EXOC6: variants seen among roughly 807,000 people sequenced by gnomAD.
EXOC6 encodes SEC15-like 1.
In EXOC6, 60 loss-of-function variants were observed where a neutral mutation model predicts 112.5. The ratio of observed to expected loss-of-function variants is 0.53; its 90% confidence interval spans 0.43 to 0.66. EXOC6 has a LOEUF of 0.66. Ranked by LOEUF, EXOC6 falls within the 30% of genes least tolerant of loss-of-function variation. The pLI, the probability that EXOC6 is intolerant of heterozygous loss-of-function variation, is 0.00. For synonymous variants in EXOC6, 295 were observed against 308.0 expected, an observed-to-expected ratio of 0.96 and a Z score of 0.44; for missense variants, 855 against 957.1, an observed-to-expected ratio of 0.89 and a Z score of 1.41.
At chr10:93,053,190 C>CT (rs1243569592) in intron 20 of EXOC6, among the ~76,000 whole-genome samples, 1 of 152,162 alleles carries the variant, frequency 6.6e-6, no homozygotes, top group African/African-American at 2.4e-5. Flanking sequence ...CCATCACACT[C>CT]TGACTCCAAA....
intron 18 of EXOC6, among the ~76,000 whole-genome samples, chr10:92,977,515 A>G (rs61862338): frequency 1.3e-5 from 2 of 152,132 alleles, no homozygotes; most frequent in Admixed American, 6.5e-5. Flanking sequence ...AAGGAAATCT[A>G]TAAATATATT....
chr10:92,999,527 A>G lies in EXOC6; in HGVS notation c.2095+1912A>G, dbSNP rs183262925. On this transcript the variant is annotated intron_variant, in intron 19 of 21. Transcript: ENST00000260762. Reference sequence around the variant, plus strand: ...GCATTGCTCAAGACATTTTCGTGTTACAGTAGTCCCTCTTATCCACAGTTT... The same window carrying G: ...GCATTGCTCAAGACATTTTCGTGTTGCAGTAGTCCCTCTTATCCACAGTTT... 182 of 227,026 alleles carry G rather than the reference A, an allele frequency of 8.0e-4. 1 individual carries two copies. Among genetic ancestry groups the G allele is most frequent in the Middle Eastern group, 1.2e-3 (1 of 810 alleles). The allele number at this position is 227,026 out of a possible 1,614,324, so 14.1% of individuals were successfully genotyped here. A position where few individuals can be genotyped will look rare whatever the true frequency, so the allele number is the denominator to read the frequency against.
At chr10:92,836,761 T>C (rs946856676) in intron 1 of EXOC6, among the ~76,000 whole-genome samples, 2 of 152,170 alleles carry the variant, frequency 1.3e-5, no homozygotes, top group African/African-American at 4.8e-5. Context: ...TGTCGCTGAT[T>C]TTCTACTGTA....
intron 1 of EXOC6, among the ~76,000 whole-genome samples, chr10:92,876,842 T>C (rs1032458184): frequency 1.3e-5 from 2 of 152,194 alleles, no homozygotes; most frequent in South Asian, 2.1e-4. Flanking sequence ...CCCCTTTTCA[T>C]TTCTCAACGA....
At chr10:92,867,400 G>A (rs1848226834) in intron 1 of EXOC6, among the ~76,000 whole-genome samples, 1 of 152,116 alleles carries the variant, frequency 6.6e-6, no homozygotes, top group South Asian at 2.1e-4. Context: ...AATTTGTAGA[G>A]AGGATGGGGG....
At chr10:92,958,894 G>A (rs1853834253) in intron 17 of EXOC6, among the ~76,000 whole-genome samples, 2 of 152,110 alleles carry the variant, frequency 1.3e-5, no homozygotes, top group South Asian at 4.2e-4. Context: ...AGGAGATCAA[G>A]ACCATCCTGG....
At chr10:92,871,623 G>A (rs955388654) in intron 1 of EXOC6, among the ~76,000 whole-genome samples, 11 of 151,516 alleles carry the variant, frequency 7.3e-5, no homozygotes, top group African/African-American at 2.7e-4. Flanking sequence ...CCTGGCCAAC[G>A]TGATGAAACC....
chr10:92,876,855 G>GA (rs1317388628), intron 1 of EXOC6, among the ~76,000 whole-genome samples: 1 of 151,948 alleles, frequency 6.6e-6, no homozygotes, highest in African/African-American at 2.4e-5. Flanking sequence ...CTCAACGATG[G>GA]AAAAAAACAA....
chr10:92,895,627 A>G (rs979935716), intron 4 of EXOC6, among the ~76,000 whole-genome samples: 1 of 152,114 alleles, frequency 6.6e-6, no homozygotes, highest in East Asian at 1.9e-4. Context: ...TGGATTTAAT[A>G]TACTTTAAGT....
At chr10:92,922,548 A>T (rs1309502923) in intron 8 of EXOC6, among the ~76,000 whole-genome samples, 1 of 152,186 alleles carries the variant, frequency 6.6e-6, no homozygotes, top group Non-Finnish European at 1.5e-5. Context: ...TAGCCAAAAA[A>T]GCTCTTTGTC....
chr10:92,874,221 GT>G (rs1564791656), intron 1 of EXOC6, among the ~76,000 whole-genome samples: 2 of 152,156 alleles, frequency 1.3e-5, no homozygotes, highest in Middle Eastern at 3.4e-3. Context: ...CTTAACTTCA[GT>G]TTTTTACTTA....
intron 20 of EXOC6, among the ~76,000 whole-genome samples, chr10:93,026,675 T>G (rs899514028): frequency 2.6e-5 from 4 of 152,218 alleles, no homozygotes; most frequent in African/African-American, 4.8e-5. Context: ...GTTTTTGATC[T>G]GTGATCAGTG....
intron 1 of EXOC6, among the ~76,000 whole-genome samples, chr10:92,868,767 T>C: frequency 6.6e-6 from 1 of 151,782 alleles, no homozygotes; most frequent in Non-Finnish European, 1.5e-5. Context: ...CTATTTTAAT[T>C]GGGCCCTCCC....
intron 17 of EXOC6, among the ~76,000 whole-genome samples, chr10:92,966,924 G>A (rs4431935): frequency 0.71 from 71,187 of 99,796 alleles, 26,686 homozygotes; most frequent in East Asian, 0.98. Context: ...AAGTGTTCCT[G>A]TTTCTCCACA....
At chr10:92,861,535 T>A (rs10882120) in intron 1 of EXOC6, among the ~76,000 whole-genome samples, 46,102 of 147,264 alleles carry the variant, frequency 0.31, 7,732 homozygotes, top group East Asian at 0.74. Flanking sequence ...CATACTCACC[T>A]TTTTTTTTTA....
chr10:93,014,839 A>G (rs1305375509), intron 20 of EXOC6, among the ~76,000 whole-genome samples: 2 of 152,026 alleles, frequency 1.3e-5, no homozygotes, highest in African/African-American at 2.4e-5. Context: ...TAAAAACTCT[A>G]TTCATTTTGC....
chr10:92,834,660 T>A, upstream of EXOC6: 1 of 713,526 alleles, frequency 1.4e-6, no homozygotes, highest in Non-Finnish European at 1.9e-6. Context: ...GAAAACGGTA[T>A]TTTTTTTTTT....
chr10:92,926,350 T>C (rs1176889538), intron 8 of EXOC6, among the ~76,000 whole-genome samples: 1 of 151,800 alleles, frequency 6.6e-6, no homozygotes, highest in African/African-American at 2.4e-5. Context: ...TTTTTTAAAA[T>C]TAAGTTAGAA....
At chr10:92,910,478 AAAGGACAC>A (rs1490538102) in intron 6 of EXOC6, among the ~76,000 whole-genome samples, 1 of 152,196 alleles carries the variant, frequency 6.6e-6, no homozygotes, top group Non-Finnish European at 1.5e-5. Flanking sequence ...ATTGCCTAGG[AAAGGACAC>A]AAGGGGACTT....
Sources: gnomAD v4.1 joint callset for allele counts (sites outside exome capture counted in the v4.1 genomes callset) on GRCh38, gnomAD v4.1.1 for gene constraint, MANE v1.5 for transcripts, NCBI Gene and HGNC (gene_info 2026-07-23, HGNC 2026-07-21) for gene names.